PCOLCE2: variants seen among roughly 807,000 people sequenced by gnomAD.
PCOLCE2 encodes procollagen C-endopeptidase enhancer 2.
Under a neutral mutation model 47.0 loss-of-function variants are expected in PCOLCE2, and 42 were observed. The observed-to-expected ratio is 0.89, with a 90% CI of 0.70 to 1.16. The LOEUF (loss-of-function observed/expected upper bound fraction) is 1.16. Among genes scored for constraint, PCOLCE2 ranks in the 50% most tolerant of loss-of-function variants. The pLI, the probability that PCOLCE2 is intolerant of heterozygous loss-of-function variation, is 0.00. For synonymous variants in PCOLCE2, 169 were observed against 191.7 expected (o/e 0.88, Z 0.98); for missense variants, 500 against 526.1 (o/e 0.95, Z 0.49).
At chr3:142,886,054 C>T (rs73232770) in intron 2 of PCOLCE2, among the ~76,000 whole-genome samples, 18,919 of 152,196 alleles carry the variant, frequency 0.12, 1,408 homozygotes, top group South Asian at 0.19. Context: ...CAGTTTATGG[C>T]GGTGAAACTG....
chr3:142,848,214 T>G lies in PCOLCE2; in HGVS notation c.448+3A>C. ...TGTTATTGCCATTATGTGGAAACAG[T>G]ACCTCTTTCGTTTGGTTCAGCAGCG... On this transcript the variant is annotated splice_donor_region_variant and intron_variant, in intron 3 of 8. Transcript: ENST00000295992. 1 of 1,613,110 alleles carries G rather than the reference T, an allele frequency of 6.2e-7. No individual in the cohort carries two copies. The highest frequency in any genetic ancestry group is 1.1e-5 in the South Asian group (1 of 91,054).
At chr3:142,866,488 TAATC>T (rs1231840372) in intron 2 of PCOLCE2, among the ~76,000 whole-genome samples, 2 of 152,142 alleles carry the variant, frequency 1.3e-5, no homozygotes, top group Non-Finnish European at 2.9e-5. Flanking sequence ...CCAATTCCCA[TAATC>T]AATCAATCAA....
intron 3 of PCOLCE2, among the ~76,000 whole-genome samples, chr3:142,845,856 T>A (rs1020993624): frequency 3.3e-5 from 5 of 152,108 alleles, no homozygotes; most frequent in Admixed American, 6.5e-5. Context: ...ATGCCTGTAA[T>A]CCCAGCTGCT....
chr3:142,851,814 A>C, intron 2 of PCOLCE2, among the ~76,000 whole-genome samples: 1 of 152,186 alleles, frequency 6.6e-6, no homozygotes, highest in Non-Finnish European at 1.5e-5. Context: ...AGGTATAATC[A>C]TGTTTCATTG....
rs759912228 is a variant in PCOLCE2 at position 142,848,206 on chromosome 3, G to A, written c.448+11C>T. 4 of 1,610,764 alleles carry A rather than the reference G, an allele frequency of 2.5e-6. No homozygotes were observed. The highest frequency in any genetic ancestry group is 3.4e-6 in the Non-Finnish European group (4 of 1,177,128). ...ATTACTGTTGTTATTGCCATTATGT[G>A]GAAACAGTACCTCTTTCGTTTGGTT... On this transcript the variant is annotated intron_variant, in intron 3 of 8. Transcript: ENST00000295992.
At chr3:142,862,899 T>C (rs1933206349) in intron 2 of PCOLCE2, among the ~76,000 whole-genome samples, 1 of 151,986 alleles carries the variant, frequency 6.6e-6, no homozygotes, top group Non-Finnish European at 1.5e-5. Context: ...AATGCTATTA[T>C]AAACATAATT....
intron 2 of PCOLCE2, among the ~76,000 whole-genome samples, chr3:142,858,246 GTGAA>G (rs1933108554): frequency 6.6e-6 from 1 of 152,186 alleles, no homozygotes; most frequent in Admixed American, 6.5e-5. Flanking sequence ...GCAGCTGACT[GTGAA>G]CCTTGCACAG....
chr3:142,845,803 C>T (rs900385746), intron 3 of PCOLCE2, among the ~76,000 whole-genome samples: 22 of 152,094 alleles, frequency 1.4e-4, no homozygotes, highest in African/African-American at 3.9e-4. Flanking sequence ...GGTGAAACAC[C>T]GTCTCTACTA....
chr3:142,828,037 A>T (rs968148956), intron 6 of PCOLCE2, among the ~76,000 whole-genome samples: 1 of 152,164 alleles, frequency 6.6e-6, no homozygotes, highest in East Asian at 1.9e-4. Context: ...AATTTGTGCC[A>T]TAGCACAGTT....
intron 5 of PCOLCE2, among the ~76,000 whole-genome samples, chr3:142,837,052 T>C (rs1490290771): frequency 6.6e-6 from 1 of 152,150 alleles, no homozygotes; most frequent in Non-Finnish European, 1.5e-5. Flanking sequence ...TAACCACAAG[T>C]GCCCTTATAA....
At chr3:142,851,630 G>A (rs1319478173) in intron 2 of PCOLCE2, among the ~76,000 whole-genome samples, 1 of 152,180 alleles carries the variant, frequency 6.6e-6, no homozygotes, top group Admixed American at 6.5e-5. Context: ...TTATTTGGCG[G>A]AGAAGAGGTT....
At chr3:142,865,319 GTT>G (rs61477507) in intron 2 of PCOLCE2, among the ~76,000 whole-genome samples, 1 of 148,428 alleles carries the variant, frequency 6.7e-6, no homozygotes, top group African/African-American at 2.5e-5. Context: ...TCTTTTGCCT[GTT>G]TTTTTTTTAA....
chr3:142,838,726 T>C, intron 5 of PCOLCE2, 44 bp downstream of exon 5: 12 of 1,553,174 alleles, frequency 7.7e-6, no homozygotes, highest in Non-Finnish European at 9.7e-6. Context: ...AGAAACAAGT[T>C]TAGAGCCATA....
chr3:142,831,590 T>C (rs1937152945), intron 5 of PCOLCE2, among the ~76,000 whole-genome samples: 1 of 152,176 alleles, frequency 6.6e-6, no homozygotes, highest in Non-Finnish European at 1.5e-5. Context: ...TTCACGAAAA[T>C]ATTCTATCAT....
chr3:142,837,863 A>C (rs1209667774), intron 5 of PCOLCE2, among the ~76,000 whole-genome samples: 1 of 152,228 alleles, frequency 6.6e-6, no homozygotes, highest in Non-Finnish European at 1.5e-5. Context: ...ATGTTTGTTG[A>C]ATAAATACAT....
chr3:142,824,192 A>G (rs1319805749), intron 6 of PCOLCE2, among the ~76,000 whole-genome samples: 1 of 151,866 alleles, frequency 6.6e-6, no homozygotes, highest in Non-Finnish European at 1.5e-5. Context: ...GAAGTAGACA[A>G]ATTTAAAAGT....
At chr3:142,846,233 C>T (rs1228541218) in intron 3 of PCOLCE2, among the ~76,000 whole-genome samples, 1 of 152,088 alleles carries the variant, frequency 6.6e-6, no homozygotes. Flanking sequence ...GAATCTCGCT[C>T]TGTTGCCCAG....
At chr3:142,831,875 A>G (rs1378237127) in intron 5 of PCOLCE2, among the ~76,000 whole-genome samples, 1 of 152,210 alleles carries the variant, frequency 6.6e-6, no homozygotes, top group Non-Finnish European at 1.5e-5. Context: ...TTAGGAACAA[A>G]GACATATTTT....
intron 7 of PCOLCE2, 105 bp from the exon 8 acceptor site, chr3:142,821,150 A>G (rs1352510303): frequency 2.2e-6 from 2 of 896,350 alleles, no homozygotes; most frequent in Non-Finnish European, 3.4e-6. Context: ...AAACATTTTA[A>G]TGTTAAAGAA....
Sources: allele counts gnomAD v4.1 joint callset (sites outside exome capture counted in the v4.1 genomes callset), GRCh38; gene constraint gnomAD v4.1.1; transcripts MANE v1.5; gene names NCBI Gene and HGNC (gene_info 2026-07-23, HGNC 2026-07-21).